The following CSMD3 variants were observed in gnomAD, a reference collection of about 807,000 sequenced individuals.
CSMD3 encodes the protein CUB and sushi domain-containing protein 3.
In CSMD3, 177 loss-of-function variants were observed where a neutral mutation model predicts 435.2. The observed-to-expected ratio is 0.41, with a 90% CI of 0.36 to 0.46. CSMD3 has a LOEUF of 0.46. Ranked by LOEUF, CSMD3 falls within the 20% of genes least tolerant of loss-of-function variation. The pLI, the probability that CSMD3 is intolerant of heterozygous loss-of-function variation, is 0.34. For synonymous variants in CSMD3, 1,656 were observed against 1,520.5 expected (o/e 1.09, Z -2.07); for missense variants, 4,265 against 4,504.6 (o/e 0.95, Z 1.52).
chr8:112,330,728 C>T (rs1823962342), intron 45 of CSMD3, among the ~76,000 whole-genome samples: 1 of 151,860 alleles, frequency 6.6e-6, no homozygotes, highest in Non-Finnish European at 1.5e-5. Flanking sequence ...ATGAGATGAC[C>T]CATCACATTG....
intron 3 of CSMD3, among the ~76,000 whole-genome samples, chr8:113,266,663 G>GTGT (rs1419120192): frequency 6.6e-6 from 1 of 151,558 alleles, no homozygotes; most frequent in African/African-American, 2.4e-5. Context: ...AGTAGTAGTA[G>GTGT]TGTTATTAGC....
intron 2 of CSMD3, among the ~76,000 whole-genome samples, chr8:113,285,821 T>G (rs1170216245): frequency 6.6e-6 from 1 of 152,192 alleles, no homozygotes; most frequent in Non-Finnish European, 1.5e-5. Context: ...AATTTGTCTT[T>G]CAAAAATGCA....
intron 3 of CSMD3, among the ~76,000 whole-genome samples, chr8:113,262,546 T>A (rs1408018412): frequency 1.3e-5 from 2 of 152,002 alleles, no homozygotes; most frequent in Admixed American, 1.3e-4. Flanking sequence ...GAAGAGTCAC[T>A]CTTATGACTA....
At chr8:112,839,189 G>A (rs2080110773) in intron 11 of CSMD3, among the ~76,000 whole-genome samples, 1 of 151,650 alleles carries the variant, frequency 6.6e-6, no homozygotes, top group South Asian at 2.1e-4. Flanking sequence ...TTAGAGATGG[G>A]GTGGAGGAGA....
chr8:112,307,690 T>C (rs1184691302), intron 50 of CSMD3, among the ~76,000 whole-genome samples: 4 of 152,206 alleles, frequency 2.6e-5, no homozygotes, highest in African/African-American at 9.6e-5. Context: ...ACTGGAGTTA[T>C]GTAATAACTG....
At chr8:113,343,348 T>C (rs970503217) in intron 1 of CSMD3, among the ~76,000 whole-genome samples, 2 of 152,154 alleles carry the variant, frequency 1.3e-5, no homozygotes, top group Admixed American at 6.6e-5. Context: ...ACTTGGGAGA[T>C]GGACTTTATA....
In CSMD3 at chr8:113,222,749, T is replaced by C. The variant is rs143099796; in HGVS notation, c.515-48833A>G. On this transcript the variant is annotated intron_variant, in intron 3 of 70. Transcript: ENST00000297405. Reference sequence around the variant, plus strand: ...TTCAAAACAACTCATATTGACCTTTTTATTTTAATCAAGCATAAGAGTTGT... The same window carrying C: ...TTCAAAACAACTCATATTGACCTTTCTATTTTAATCAAGCATAAGAGTTGT... 9.1e-3 allele frequency among the ~76,000 whole-genome samples: 1,379 copies of C among 151,206 alleles called. 14 individuals carry two copies. The highest frequency in any genetic ancestry group is 0.032 in the African/African-American group (1,328 of 41,448).
chr8:113,377,673 A>G (rs1451674376), intron 1 of CSMD3, among the ~76,000 whole-genome samples: 1 of 152,218 alleles, frequency 6.6e-6, no homozygotes, highest in South Asian at 2.1e-4. Context: ...TTAGCAAAGC[A>G]CCACACTTGG....
intron 3 of CSMD3, among the ~76,000 whole-genome samples, chr8:113,259,692 TG>T (rs1260319600): frequency 1.3e-5 from 2 of 151,938 alleles, no homozygotes; most frequent in Non-Finnish European, 2.9e-5. Flanking sequence ...AATTAAAAAA[TG>T]GGGCATCCTG....
At chr8:112,445,445 A>G (rs1237013023) in intron 32 of CSMD3, among the ~76,000 whole-genome samples, 1 of 152,118 alleles carries the variant, frequency 6.6e-6, no homozygotes, top group Admixed American at 6.5e-5. Flanking sequence ...GCTTCCAATC[A>G]TGACGGAGGG....
intron 25 of CSMD3, among the ~76,000 whole-genome samples, chr8:112,555,027 T>G (rs1827995248): frequency 6.6e-6 from 1 of 151,916 alleles, no homozygotes; most frequent in African/African-American, 2.4e-5. Flanking sequence ...ATCATCAAAT[T>G]ATTCAGTATC....
intron 3 of CSMD3, among the ~76,000 whole-genome samples, chr8:113,223,655 G>A (rs2092994655): frequency 6.8e-6 from 1 of 147,240 alleles, no homozygotes; most frequent in Admixed American, 6.8e-5. Flanking sequence ...TAAAATTATT[G>A]AACATTTAGT....
intron 17 of CSMD3, among the ~76,000 whole-genome samples, chr8:112,665,006 T>TA (rs1179849805): frequency 6.6e-6 from 1 of 152,138 alleles, no homozygotes; most frequent in African/African-American, 2.4e-5. Context: ...AAGTTTAGCT[T>TA]AAAACCTCCT....
Position 113,208,239 on chromosome 8 carries a change from T to C in CSMD3, c.515-34323A>G, listed in dbSNP as rs571910568. The stretch of plus-strand genomic sequence containing the variant: ...CCTGAATCTTTATTACATGGTGTAG[T>C]GTATTTAGCAATGTGGGATGGATGG... On this transcript the variant is annotated intron_variant, in intron 3 of 70. Coordinates refer to ENST00000297405, the MANE Select transcript of CSMD3 (RefSeq NM_198123.2). Among the ~76,000 whole-genome samples, 11 of 152,264 alleles carry C rather than the reference T, an allele frequency of 7.2e-5. No individual in the cohort carries two copies. In the South Asian group the frequency reaches 2.3e-3, roughly 32 times the overall value.
chr8:112,275,651 G>A (rs1037730240), intron 59 of CSMD3, among the ~76,000 whole-genome samples: 9 of 152,150 alleles, frequency 5.9e-5, no homozygotes, highest in African/African-American at 2.2e-4. Context: ...ATCTTACATG[G>A]TGGCAGGCAA....
intron 2 of CSMD3, chr8:113,310,070 T>C (rs1336040433): frequency 1.3e-5 from 2 of 152,162 alleles, no homozygotes; most frequent in Non-Finnish European, 2.9e-5. Context: ...ATAGGCCATA[T>C]CAAAGTAGCA....
intron 32 of CSMD3, 142 bp from the exon 33 acceptor site, chr8:112,409,174 T>C: frequency 6.9e-7 from 1 of 1,452,350 alleles, no homozygotes; most frequent in African/African-American, 1.4e-5. Context: ...TAAAAGAGGA[T>C]AGGTGCCAAT....
At position 113,379,501 on chromosome 8, in the gene CSMD3, T is replaced by TA. The variant is rs2094405703; in HGVS notation, c.178+57175dup. ...GAGGCAGACCATGAAGACTAAGTGATAGGTTGGATGTGTAGCCTAAGAAGA... is the reference window on the plus strand; with the variant it reads ...GAGGCAGACCATGAAGACTAAGTGATAAGGTTGGATGTGTAGCCTAAGAAGA... On this transcript the variant is annotated intron_variant, in intron 1 of 70. Transcript: ENST00000297405. 2.0e-5 allele frequency among the ~76,000 whole-genome samples: 3 copies of TA among 152,142 alleles called. No individual in the cohort carries two copies. In the South Asian group the frequency reaches 6.2e-4, roughly 31 times the overall value.
At chr8:113,345,948 T>C (rs2094148350) in intron 1 of CSMD3, among the ~76,000 whole-genome samples, 1 of 151,794 alleles carries the variant, frequency 6.6e-6, no homozygotes, top group Non-Finnish European at 1.5e-5. Flanking sequence ...TTTTAGTAAC[T>C]CCTCCTCTCC....
Sources: gnomAD v4.1 joint callset for allele counts (sites outside exome capture counted in the v4.1 genomes callset) on GRCh38, gnomAD v4.1.1 for gene constraint, MANE v1.5 for transcripts, NCBI Gene and HGNC (gene_info 2026-07-23, HGNC 2026-07-21) for gene names.